CADM2: variants seen among roughly 807,000 people sequenced by gnomAD.
The protein encoded by CADM2 is cell adhesion molecule 2.
A neutral mutation model predicts 49.8 loss-of-function variants in CADM2; 12 were observed. The observed-to-expected ratio is 0.24, with a 90% confidence interval of 0.15 to 0.39. The LOEUF is 0.39. Ranked by LOEUF, CADM2 falls within the 10% of genes least tolerant of loss-of-function variation. CADM2 has a pLI of 1.00. For synonymous variants in CADM2, 214 were observed against 175.4 expected, an observed-to-expected ratio of 1.22 and a Z score of -1.74; for missense variants, 378 against 492.3, an observed-to-expected ratio of 0.77 and a Z score of 2.20.
At chr3:85,287,533 A>G (rs1049851525) in intron 1 of CADM2, among the ~76,000 whole-genome samples, 15 of 152,068 alleles carry the variant, frequency 9.9e-5, no homozygotes, top group Non-Finnish European at 1.5e-4. Context: ...GTGAAAATCA[A>G]TTTCCTAAAA....
At chr3:85,247,669 A>G (rs969618125) in intron 1 of CADM2, among the ~76,000 whole-genome samples, 1 of 152,128 alleles carries the variant, frequency 6.6e-6, no homozygotes, top group African/African-American at 2.4e-5. Context: ...GAATAGTATG[A>G]ATTATGTTTG....
chr3:85,784,530 TTATC>T (rs71112118), intron 2 of CADM2, among the ~76,000 whole-genome samples: 44,651 of 142,020 alleles, frequency 0.31, 6,735 homozygotes, highest in East Asian at 0.35. Context: ...CTAAATATAT[TTATC>T]TATCTATCTA....
intron 1 of CADM2, among the ~76,000 whole-genome samples, chr3:85,517,877 G>A (rs570798611): frequency 1.5e-3 from 227 of 152,212 alleles, no homozygotes; most frequent in Admixed American, 3.8e-3. Flanking sequence ...ATTTTTGTAG[G>A]GGTAGGGAAT....
At chr3:85,578,536 G>C (rs1015704854) in intron 1 of CADM2, among the ~76,000 whole-genome samples, 3 of 152,160 alleles carry the variant, frequency 2.0e-5, no homozygotes, top group African/African-American at 4.8e-5. Flanking sequence ...CTTCTGGAGG[G>C]TAAACTTTTA....
chr3:85,425,652 C>T (rs1029250405), intron 1 of CADM2, among the ~76,000 whole-genome samples: 1 of 152,076 alleles, frequency 6.6e-6, no homozygotes, highest in East Asian at 1.9e-4. Context: ...CATTATCCAC[C>T]CCTCTCAGTC....
chr3:84,985,073 T>C (rs2032474338), intron 1 of CADM2, among the ~76,000 whole-genome samples: 1 of 152,154 alleles, frequency 6.6e-6, no homozygotes, highest in Non-Finnish European at 1.5e-5. Flanking sequence ...TACGTGGGTT[T>C]ATGTTTTGGG....
intron 1 of CADM2, among the ~76,000 whole-genome samples, chr3:85,408,742 C>T (rs1256410811): frequency 1.3e-5 from 2 of 152,124 alleles, no homozygotes; most frequent in Non-Finnish European, 2.9e-5. Flanking sequence ...TTTAATTTTC[C>T]CTCACATCTG....
At chr3:86,015,997 G>A (rs1732171644) in intron 8 of CADM2, among the ~76,000 whole-genome samples, 1 of 152,032 alleles carries the variant, frequency 6.6e-6, no homozygotes, top group South Asian at 2.1e-4. Flanking sequence ...ATTTTGTATA[G>A]TTTATTTCAA....
intron 1 of CADM2, among the ~76,000 whole-genome samples, chr3:85,120,664 C>G (rs572332019): frequency 5.1e-4 from 78 of 152,140 alleles, no homozygotes; most frequent in African/African-American, 1.6e-3. Context: ...ACATCACACA[C>G]CAGGGCCTCC....
At position 84,994,853 on chromosome 3, in the gene CADM2, C is replaced by T. The variant is rs538083769; in HGVS notation, c.61+35185C>T. Among the ~76,000 whole-genome samples the T allele has an allele frequency of 1.2e-3, 176 of 151,944 alleles. 1 individual carries two copies. The highest frequency in any genetic ancestry group is 3.4e-3 in the Middle Eastern group (1 of 294). The stretch of plus-strand genomic sequence containing the variant: ...AGCAGCCTGGCAAACACAGTGAAAC[C>T]GTGTCTCTACTAAAAATACAAAAAA... On this transcript the variant is annotated intron_variant, in intron 1 of 9. Transcript: ENST00000383699.
Position 85,568,473 on chromosome 3 carries a change from C to CTTTCTTTCTTTCTTTCTTTCTT in CADM2, c.62-158048_62-158047insTTCTTTCTTTCTTTCTTTCTTT. Among the ~76,000 whole-genome samples, 64 of 27,616 alleles carry CTTTCTTTCTTTCTTTCTTTCTT rather than the reference C, an allele frequency of 2.3e-3. 9 individuals carry two copies. Among genetic ancestry groups the CTTTCTTTCTTTCTTTCTTTCTT allele is most frequent in the African/African-American group, 4.4e-3 (57 of 12,948 alleles). 18.1% of individuals were successfully genotyped at this position (27,616 alleles called of 152,430 possible). A position where few individuals can be genotyped will look rare whatever the true frequency, so the allele number is the denominator to read the frequency against. The stretch of plus-strand genomic sequence containing the variant: ...TTTCTTTCTTTCTTTCTCTTTCTCT[C>CTTTCTTTCTTTCTTTCTTTCTT]TCTTTCTTTCTTTCTTTCTTTCTTT... On this transcript the variant is annotated intron_variant, in intron 1 of 9. Coordinates refer to ENST00000383699, the MANE Select transcript of CADM2 (RefSeq NM_001167675.2).
At chr3:85,452,295 C>T (rs1172853067) in intron 1 of CADM2, among the ~76,000 whole-genome samples, 2 of 152,044 alleles carry the variant, frequency 1.3e-5, no homozygotes, top group African/African-American at 2.4e-5. Context: ...GGTACCAAAA[C>T]TTTCATTACC....
intron 1 of CADM2, among the ~76,000 whole-genome samples, chr3:85,025,145 T>C (rs1204627828): frequency 6.6e-6 from 1 of 152,150 alleles, no homozygotes; most frequent in Non-Finnish European, 1.5e-5. Flanking sequence ...ACTACAGAAA[T>C]TCAGTGATCT....
intron 1 of CADM2, among the ~76,000 whole-genome samples, chr3:85,645,197 A>G (rs1022110016): frequency 2.0e-5 from 3 of 152,116 alleles, no homozygotes; most frequent in Non-Finnish European, 2.9e-5. Context: ...ATTGTATCTC[A>G]TAAGTGATAT....
intron 1 of CADM2, among the ~76,000 whole-genome samples, chr3:85,391,349 G>A (rs1260448951): frequency 6.6e-6 from 1 of 152,042 alleles, no homozygotes; most frequent in Admixed American, 6.6e-5. Context: ...AAGAGTGATA[G>A]TTCCAAAGGA....
chr3:86,051,311 T>C (rs1737316929), intron 8 of CADM2, among the ~76,000 whole-genome samples: 1 of 152,150 alleles, frequency 6.6e-6, no homozygotes, highest in African/African-American at 2.4e-5. Context: ...AAGTTCTTTA[T>C]CTGTATCTGA....
intron 1 of CADM2, among the ~76,000 whole-genome samples, chr3:85,099,274 A>C (rs1213731825): frequency 6.6e-6 from 1 of 152,186 alleles, no homozygotes; most frequent in African/African-American, 2.4e-5. Flanking sequence ...GGAAGTGTAA[A>C]GAAAAGGTAT....
At position 85,741,901 on chromosome 3, in the gene CADM2, T is replaced by C. The variant is rs75542524; in HGVS notation, c.88+15353T>C. Among the ~76,000 whole-genome samples the C allele has an allele frequency of 5.3e-4, 81 of 152,358 alleles. No individual in the cohort carries two copies. In the East Asian group the frequency reaches 0.015, roughly 29 times the overall value. ...TACATTTCATAAATCAGTTGAATTATAAGGAATCATGCAGTGAATTCCTAA... is the reference window on the plus strand; with the variant it reads ...TACATTTCATAAATCAGTTGAATTACAAGGAATCATGCAGTGAATTCCTAA... On this transcript the variant is annotated intron_variant, in intron 2 of 9. Transcript: ENST00000383699.
chr3:85,421,867 A>G (rs2036188132), intron 1 of CADM2, among the ~76,000 whole-genome samples: 1 of 152,230 alleles, frequency 6.6e-6, no homozygotes, highest in African/African-American at 2.4e-5. Flanking sequence ...CTAAGTATCA[A>G]AACGAACATT....
Sources: gnomAD v4.1 joint callset for allele counts (sites outside exome capture counted in the v4.1 genomes callset) on GRCh38, gnomAD v4.1.1 for gene constraint, MANE v1.5 for transcripts, NCBI Gene and HGNC (gene_info 2026-07-23, HGNC 2026-07-21) for gene names.